The following MYO16 variants were observed in gnomAD, a reference collection of about 807,000 sequenced individuals.
MYO16 encodes the protein myosin XVI, also known as unconventional myosin-XVI.
Under a neutral mutation model 205.3 loss-of-function variants are expected in MYO16, and 94 were observed. The ratio of observed to expected loss-of-function variants is 0.46; its 90% CI spans 0.39 to 0.54. The LOEUF is 0.54. Among genes scored for constraint, MYO16 ranks in the 20% least tolerant of loss-of-function variants. The probability of loss-of-function intolerance (pLI) is 0.00; values close to 1 mark genes in which losing one functional copy is unlikely to be tolerated. For synonymous variants in MYO16, 988 were observed against 954.0 expected, an observed-to-expected ratio of 1.04 and a Z score of -0.66; for missense variants, 2,315 against 2,387.5, an observed-to-expected ratio of 0.97 and a Z score of 0.63.
chr13:108,504,978 G>C, the MYO16 span, among the ~76,000 whole-genome samples: 1 of 152,114 alleles, frequency 6.6e-6, no homozygotes, highest in Non-Finnish European at 1.5e-5. Flanking sequence ...TCTAGTCTAT[G>C]ACTAGATTTC....
At chr13:108,988,922 T>C (rs1003302820) in intron 20 of MYO16, among the ~76,000 whole-genome samples, 2 of 152,122 alleles carry the variant, frequency 1.3e-5, no homozygotes, top group Non-Finnish European at 2.9e-5. Context: ...CCTGAAGTTG[T>C]CCCTGCATCG....
chr13:108,944,458 C>T (rs1214079092), intron 16 of MYO16, among the ~76,000 whole-genome samples: 2 of 152,136 alleles, frequency 1.3e-5, no homozygotes, highest in Admixed American at 6.5e-5. Context: ...TTAATTTCCA[C>T]CCCCCACTTA....
At chr13:108,944,076 C>T (rs1882841375) in intron 16 of MYO16, among the ~76,000 whole-genome samples, 1 of 152,190 alleles carries the variant, frequency 6.6e-6, no homozygotes, top group Non-Finnish European at 1.5e-5. Context: ...GCACATGAGG[C>T]TGAACTGTAC....
the MYO16 span, among the ~76,000 whole-genome samples, chr13:108,507,713 T>G: frequency 1.3e-5 from 2 of 152,208 alleles, no homozygotes; most frequent in Non-Finnish European, 2.9e-5. Context: ...TCTCTGCCTC[T>G]TTCTCTTTTT....
the MYO16 span, among the ~76,000 whole-genome samples, chr13:108,523,615 A>G: frequency 6.6e-6 from 1 of 152,156 alleles, no homozygotes; most frequent in Non-Finnish European, 1.5e-5. Context: ...ACCTGGCCTG[A>G]GCCTCCCTTT....
At chr13:109,018,245 A>G (rs1885894568) in intron 22 of MYO16, among the ~76,000 whole-genome samples, 1 of 151,868 alleles carries the variant, frequency 6.6e-6, no homozygotes, top group African/African-American at 2.4e-5. Flanking sequence ...GGTCTGTTGG[A>G]GTTTGTTGGA....
the MYO16 span, among the ~76,000 whole-genome samples, chr13:108,497,139 G>C: frequency 1.3e-5 from 2 of 152,174 alleles, no homozygotes; most frequent in South Asian, 2.1e-4. Flanking sequence ...TCCCAAAGTC[G>C]TCAATGAGAT....
At chr13:108,519,873 A>C in the MYO16 span, among the ~76,000 whole-genome samples, 1 of 152,158 alleles carries the variant, frequency 6.6e-6, no homozygotes, top group Non-Finnish European at 1.5e-5. Context: ...TGAAAACATA[A>C]GTTTTGAGAA....
At chr13:108,849,616 CTTTTGTGTGTGTGTGTGTGTGT>C (rs1280291989) in intron 10 of MYO16, among the ~76,000 whole-genome samples, 2 of 77,780 alleles carry the variant, frequency 2.6e-5, no homozygotes, top group African/African-American at 9.4e-5. Context: ...TGAATTTCCT[CTTTTGTGTGTGTGTGTGTGTGT>C]GTGTGTGTGT....
chr13:108,677,313 ATGTG>A lies in MYO16; in HGVS notation c.292+11184_292+11187del, dbSNP rs769838012. 1.6e-3 allele frequency among the ~76,000 whole-genome samples: 222 copies of A among 140,748 alleles called. 1 individual carries two copies. Among genetic ancestry groups the A allele is most frequent in the African/African-American group, 5.2e-3 (193 of 37,144 alleles). 92.3% of individuals were successfully genotyped at this position (140,748 alleles called of 152,430 possible). A position where few individuals can be genotyped will look rare whatever the true frequency, so the allele number is the denominator to read the frequency against. On this transcript the variant is annotated intron_variant, in intron 2 of 34. Coordinates refer to ENST00000457511, the MANE Select transcript of MYO16 (RefSeq NM_001198950.3). ...ACTAGAACCCATAAGGTGCACATGC[ATGTG>A]TGTGTGTGTGTGTGTGTGTATATAT...
chr13:108,556,662 C>T, the MYO16 span, among the ~76,000 whole-genome samples: 5 of 152,178 alleles, frequency 3.3e-5, no homozygotes, highest in African/African-American at 9.6e-5. Flanking sequence ...CTAGTTTTGC[C>T]TTTCTGGCCT....
intron 27 of MYO16, among the ~76,000 whole-genome samples, chr13:109,059,945 C>T (rs1887536492): frequency 6.6e-6 from 1 of 151,970 alleles, no homozygotes; most frequent in African/African-American, 2.4e-5. Context: ...AATGAGATAC[C>T]ATGTCAGTTA....
At chr13:109,089,188 C>CATTATTATTATTATTATTATT (rs34430414) in intron 27 of MYO16, among the ~76,000 whole-genome samples, 2 of 147,824 alleles carry the variant, frequency 1.4e-5, no homozygotes, top group Non-Finnish European at 3.0e-5. Context: ...TTGTTTTCTG[C>CATTATTATTATTATTATTATT]ATTATTATTA....
At chr13:108,868,745 A>AC (rs1387722313) in intron 12 of MYO16, among the ~76,000 whole-genome samples, 1 of 151,940 alleles carries the variant, frequency 6.6e-6, no homozygotes, top group Non-Finnish European at 1.5e-5. Context: ...AGAAGATGAA[A>AC]CCCCATCTCT....
intron 9 of MYO16, among the ~76,000 whole-genome samples, chr13:108,826,782 T>C (rs1424477380): frequency 6.6e-6 from 1 of 152,012 alleles, no homozygotes; most frequent in Non-Finnish European, 1.5e-5. Context: ...ACAAAAATAC[T>C]CTACATTATT....
chr13:109,127,147 G>A lies in MYO16; in HGVS notation c.3783-135G>A, dbSNP rs971365964. 1.1e-4 allele frequency: 131 copies of A among 1,173,194 alleles called. No individual in the cohort carries two copies. The highest frequency in any genetic ancestry group is 2.2e-4 in the Middle Eastern group (1 of 4,634). The allele number at this position is 1,173,194 out of a possible 1,614,324, so 72.7% of individuals were successfully genotyped here. ...AACTGGTCACCAGAGGGCTGCACAC[G>A]TCCTCCAGCCACAGCAGGAAGGGCT... On this transcript the variant is annotated intron_variant, in intron 30 of 34. Coordinates refer to ENST00000457511, the MANE Select transcript of MYO16 (RefSeq NM_001198950.3). This position sits in a 1 kb window ranked among gnomAD's most constrained non-coding sequence, Gnocchi z 4.2.
chr13:108,600,035 G>T lies in MYO16; in HGVS notation c.-39+3796G>T, dbSNP rs984623479. On this transcript the variant is annotated intron_variant, in intron 1 of 24. Coordinates refer to the MYO16 transcript ENST00000251041. ...TTAGACACACCCCCAGGACTTATTT[G>T]TACAAACAAAATTATTCAGCTGAAA... 2.0e-5 allele frequency among the ~76,000 whole-genome samples: 3 copies of T among 152,098 alleles called. No homozygotes were observed. In the South Asian group the frequency reaches 6.2e-4, roughly 32 times the overall value.
chr13:108,596,485 A>G (rs1361782053), intron 1 of MYO16, among the ~76,000 whole-genome samples: 2 of 152,212 alleles, frequency 1.3e-5, no homozygotes, highest in Non-Finnish European at 2.9e-5. Flanking sequence ...GCTAAAAAAA[A>G]AAGTCCAAAT....
chr13:108,793,560 A>G lies in MYO16; in HGVS notation c.661A>G (p.Met221Val), dbSNP rs2138945751. Residue 221 changes from methionine (M) to valine (V), a missense_variant, in exon 6 of 35, where the codon ATG becomes GTG. By Grantham distance (21) the Met-to-Val change is conservative. Coordinates refer to ENST00000457511, the MANE Select transcript of MYO16 (RefSeq NM_001198950.3). Reference sequence around the variant, plus strand: ...GCGCCAGATGAAGCTTCAGAGACCAATGAGTATGTTAACAGATGTCAAACA... The same window carrying G: ...GCGCCAGATGAAGCTTCAGAGACCAGTGAGTATGTTAACAGATGTCAAACA... Reference protein sequence around the residue: ...SLRQMKLQRPMSMLTDVKHFL... With the variant: ...SLRQMKLQRPVSMLTDVKHFL... 2.5e-6 allele frequency: 4 copies of G among 1,613,872 alleles called. No individual in the cohort carries two copies. Among genetic ancestry groups the G allele is most frequent in the Middle Eastern group, 3.3e-4 (2 of 6,062 alleles).
Sources: gnomAD v4.1 joint callset for allele counts (sites outside exome capture counted in the v4.1 genomes callset) on GRCh38, gnomAD v4.1.1 for gene constraint, Gnocchi (gnomAD v3.1) non-coding constraint, MANE v1.5 for transcripts, NCBI Gene and HGNC (gene_info 2026-07-23, HGNC 2026-07-21) for gene names.